GLT1D1: variants seen among roughly 807,000 people sequenced by gnomAD.
GLT1D1 encodes glycosyltransferase 1 domain containing 1, also known as glycosyltransferase 1 domain-containing protein 1.
Under a neutral mutation model 28.7 loss-of-function variants are expected in GLT1D1, and 21 were observed. The observed-to-expected ratio is 0.73, with a 90% CI of 0.52 to 1.05. The LOEUF (loss-of-function observed/expected upper bound fraction) is 1.05, where lower values mean the gene tolerates loss of function less well. Ranked by LOEUF, GLT1D1 falls within the 50% of genes least tolerant of loss-of-function variation. GLT1D1 has a pLI of 0.00. For missense variants in GLT1D1, 343 were observed against 330.6 expected (o/e 1.04, Z -0.29); for synonymous variants, 147 against 124.8 (o/e 1.18, Z -1.19).
chr12:128,966,360 C>G (rs1878459530), intron 7 of GLT1D1, among the ~76,000 whole-genome samples: 1 of 152,234 alleles, frequency 6.6e-6, no homozygotes, highest in Non-Finnish European at 1.5e-5. Flanking sequence ...CACTGCCTAC[C>G]ACTCTGCCTT....
chr12:128,959,124 C>T (rs1398856241), intron 7 of GLT1D1, among the ~76,000 whole-genome samples: 1 of 151,662 alleles, frequency 6.6e-6, no homozygotes, highest in African/African-American at 2.4e-5. Flanking sequence ...GGCATGAGCA[C>T]CACCTTCAGC....
chr12:128,926,001 C>A (rs1873167936), intron 4 of GLT1D1, among the ~76,000 whole-genome samples: 1 of 151,974 alleles, frequency 6.6e-6, no homozygotes, highest in African/African-American at 2.4e-5. Context: ...ACCAACCTGG[C>A]CAACATGGTG....
chr12:128,855,223 T>TAAAAAAA (rs771286662), intron 1 of GLT1D1, among the ~76,000 whole-genome samples: 5 of 81,360 alleles, frequency 6.1e-5, no homozygotes, highest in East Asian at 3.9e-4. Flanking sequence ...AGACTCCATC[T>TAAAAAAA]AAAAAAAAAA....
chr12:128,945,050 C>G, intron 4 of GLT1D1: 2 of 643,060 alleles, frequency 3.1e-6, no homozygotes, highest in Non-Finnish European at 5.6e-6. Flanking sequence ...TGTAACAGGC[C>G]AATTTCTGCG....
At chr12:128,874,088 CTTTCTT>C (rs1472203351) in intron 1 of GLT1D1, among the ~76,000 whole-genome samples, 23 of 19,368 alleles carry the variant, frequency 1.2e-3, no homozygotes, top group South Asian at 4.1e-3. Flanking sequence ...TTCTTTCTTT[CTTTCTT>C]TCTTTCTCTC....
intron 7 of GLT1D1, among the ~76,000 whole-genome samples, chr12:128,978,642 G>C (rs1880023908): frequency 6.6e-6 from 1 of 152,126 alleles, no homozygotes; most frequent in Non-Finnish European, 1.5e-5. Flanking sequence ...CCCAAGAGAG[G>C]GTTCTTGGAT....
At chr12:128,928,624 C>T (rs627937) in intron 4 of GLT1D1, among the ~76,000 whole-genome samples, 129,707 of 146,480 alleles carry the variant, frequency 0.89, 56,575 homozygotes, top group Admixed American at 0.93. Context: ...TTTTTTTTTT[C>T]TTTCTTTCTT....
chr12:128,897,628 A>G (rs1395022799), intron 3 of GLT1D1, among the ~76,000 whole-genome samples: 2 of 152,114 alleles, frequency 1.3e-5, no homozygotes, highest in African/African-American at 4.8e-5. Flanking sequence ...AACTTTTTCC[A>G]TGTATTTAAC....
chr12:128,983,136 G>A lies in GLT1D1; in HGVS notation c.*46G>A. The stretch of plus-strand genomic sequence containing the variant: ...CCTGCTCTCTGACACACAGCTCTGG[G>A]TGCACACTCAGAGACAGAGTTCTGG... On this transcript the variant is annotated 3_prime_UTR_variant, in exon 8 of 8. Transcript: ENST00000281703. The surrounding 1 kb of genome is among the most constrained non-coding windows in gnomAD (Gnocchi z 4.7). The A allele has an allele frequency of 1.9e-6, 3 of 1,569,848 alleles. No individual in the cohort carries two copies. Among genetic ancestry groups the A allele is most frequent in the South Asian group, 2.2e-5 (2 of 89,716 alleles).
chr12:128,914,915 T>C lies in GLT1D1; in HGVS notation c.375+15628T>C, dbSNP rs1467071384. On this transcript the variant is annotated intron_variant, in intron 4 of 7. Transcript: ENST00000281703. The stretch of plus-strand genomic sequence containing the variant: ...CGCTTCAAAGTGAACTTGCCCTTTT[T>C]TTGTTTCTTTGACCCAGGAATTGCA... 6.5e-7 allele frequency: 1 copy of C among 1,534,772 alleles called. No individual in the cohort carries two copies. Among genetic ancestry groups the C allele is most frequent in the South Asian group, 1.2e-5 (1 of 84,030 alleles).
chr12:128,931,252 C>A (rs1008212490), intron 4 of GLT1D1, among the ~76,000 whole-genome samples: 1 of 151,990 alleles, frequency 6.6e-6, no homozygotes, highest in South Asian at 2.1e-4. Context: ...CTGCCTGCCT[C>A]GGCCTCCCAA....
intron 2 of GLT1D1, among the ~76,000 whole-genome samples, chr12:128,883,991 A>G (rs1957123448): frequency 6.6e-6 from 1 of 152,192 alleles, no homozygotes; most frequent in South Asian, 2.1e-4. Flanking sequence ...TGAAGAGTGA[A>G]TAAGAGTTTA....
At chr12:128,979,604 A>G (rs960869548) in intron 7 of GLT1D1, among the ~76,000 whole-genome samples, 3 of 152,064 alleles carry the variant, frequency 2.0e-5, no homozygotes, top group Non-Finnish European at 4.4e-5. Flanking sequence ...AAATACAAAA[A>G]TTAGCCAGAT....
At chr12:128,879,466 TG>T (rs150155760) in intron 2 of GLT1D1, among the ~76,000 whole-genome samples, 12,055 of 100,924 alleles carry the variant, frequency 0.12, 1,052 homozygotes, top group South Asian at 0.25. Flanking sequence ...TTCTTTTTTT[TG>T]GGGGGGTGGG....
At chr12:128,950,426 G>A (rs1370282775) in intron 6 of GLT1D1, among the ~76,000 whole-genome samples, 1 of 152,198 alleles carries the variant, frequency 6.6e-6, no homozygotes, top group Non-Finnish European at 1.5e-5. Flanking sequence ...GTGGGCACGT[G>A]TAGCCCAACT....
rs1024057801 is a variant in GLT1D1, at chr12:128,984,809, A to T, written c.*1719A>T. On this transcript the variant is annotated 3_prime_UTR_variant, in exon 8 of 8. Coordinates refer to ENST00000281703, the MANE Select transcript of GLT1D1 (RefSeq NM_144669.3). Reference sequence around the variant, plus strand: ...AAACACTGATCGTCCGAAAGCTTGAATCTGTTCCTCCTCGAATGACCCTGT... The same window carrying T: ...AAACACTGATCGTCCGAAAGCTTGATTCTGTTCCTCCTCGAATGACCCTGT... The T allele has an allele frequency of 6.6e-6, 1 of 152,242 alleles. No homozygotes were observed. Among genetic ancestry groups the T allele is most frequent in the African/African-American group, 2.4e-5 (1 of 41,442 alleles). 9.4% of individuals were successfully genotyped at this position (152,242 alleles called of 1,614,324 possible).
intron 4 of GLT1D1, among the ~76,000 whole-genome samples, chr12:128,925,257 G>A (rs527320958): frequency 1.3e-5 from 2 of 152,232 alleles, no homozygotes; most frequent in South Asian, 4.2e-4. Context: ...GTGCCATGGT[G>A]GTTTGCTACA....
At chr12:128,900,773 C>T (rs1363232367) in intron 4 of GLT1D1, among the ~76,000 whole-genome samples, 1 of 151,966 alleles carries the variant, frequency 6.6e-6, no homozygotes, top group South Asian at 2.1e-4. Context: ...GTAGCTGGGA[C>T]GACAGGCATG....
chr12:128,907,481 A>G (rs1434761162), intron 4 of GLT1D1, among the ~76,000 whole-genome samples: 1 of 151,794 alleles, frequency 6.6e-6, no homozygotes, highest in Non-Finnish European at 1.5e-5. Context: ...AATTTTTTGT[A>G]TATTTAGTAG....
Sources: allele counts gnomAD v4.1 joint callset (sites outside exome capture counted in the v4.1 genomes callset), GRCh38; gene constraint gnomAD v4.1.1; non-coding constraint Gnocchi (gnomAD v3.1); transcripts MANE v1.5; gene names NCBI Gene and HGNC (gene_info 2026-07-23, HGNC 2026-07-21).